Variants in DIAPH2 observed in about 807,000 individuals in gnomAD.
DIAPH2 encodes diaphanous related formin 2, also known as protein diaphanous homolog 2.
DIAPH2 carries 35 observed loss-of-function variants against 92.7 expected under a neutral mutation model. The ratio of observed to expected loss-of-function variants is 0.38; its 90% CI spans 0.29 to 0.50. The LOEUF is 0.50. Among genes scored for constraint, DIAPH2 ranks in the 20% least tolerant of loss-of-function variants. DIAPH2 has a pLI of 0.94. For missense variants in DIAPH2, 701 were observed against 819.5 expected, an observed-to-expected ratio of 0.86 and a Z score of 1.77; for synonymous variants, 301 against 280.4, an observed-to-expected ratio of 1.07 and a Z score of -0.73.
intron 25 of DIAPH2, among the ~76,000 whole-genome samples, chrX:97,396,642 AT>A (rs1400557571): frequency 8.9e-6 from 1 of 111,950 alleles, no homozygotes; most frequent in African/African-American, 3.2e-5. Context: ...TCTAAAAAAA[AT>A]AAATAAATAA....
chrX:97,052,144 A>C (rs2066524613), intron 17 of DIAPH2, among the ~76,000 whole-genome samples: 1 of 111,443 alleles, frequency 9.0e-6, no homozygotes, highest in Non-Finnish European at 1.9e-5. Flanking sequence ...ATAGAGATGA[A>C]GTGATACTGA....
rs184380776 is a variant in DIAPH2 at position 97,132,987 on chromosome X, A to C, written c.2590-8678A>C. On this transcript the variant is annotated intron_variant, in intron 21 of 26. Transcript: ENST00000324765. ...TCATGTGGCCATTCATGTAAATCCA[A>C]AAGGAAAGGGGGGAGATCCAAAAGG... Among the ~76,000 whole-genome samples the C allele has an allele frequency of 9.0e-3, 955 of 106,546 alleles. 10 individuals are homozygous for C. Among genetic ancestry groups the C allele is most frequent in the African/African-American group, 0.034 (902 of 26,238 alleles). 92.5% of individuals were successfully genotyped at this position (106,546 alleles called of 115,157 possible).
At chrX:97,279,828 G>C (rs771929636) in intron 23 of DIAPH2, among the ~76,000 whole-genome samples, 72 of 111,205 alleles carry the variant, frequency 6.5e-4, no homozygotes, top group Non-Finnish European at 1.2e-3. Flanking sequence ...TTCAGTTTCC[G>C]GGCAGGCTGC....
At chrX:96,905,010 C>G (rs1402963281) in intron 5 of DIAPH2, among the ~76,000 whole-genome samples, 2 of 111,067 alleles carry the variant, frequency 1.8e-5, no homozygotes, top group Non-Finnish European at 3.8e-5. Flanking sequence ...GAATAGAACA[C>G]CATTAGAGGG....
In DIAPH2 at chrX:97,362,151, GA is replaced by G. The variant is rs770779883; in HGVS notation, c.3009+13873del. ...AGCTACTTCAGAGGCTGAGGCAGGA[GA>G]ATCTCTTGAACCCAGGAGGCGGAGG... is the stretch of plus-strand genomic sequence containing the variant. On this transcript the variant is annotated intron_variant, in intron 24 of 26. Transcript: ENST00000324765. Among the ~76,000 whole-genome samples, 13 of 109,913 alleles carry G rather than the reference GA, an allele frequency of 1.2e-4. No homozygotes were observed. In the East Asian group the frequency reaches 2.0e-3, roughly 17 times the overall value.
intron 25 of DIAPH2, among the ~76,000 whole-genome samples, chrX:97,401,736 T>C (rs1487432624): frequency 2.7e-5 from 3 of 111,844 alleles, no homozygotes; most frequent in African/African-American, 9.8e-5. Flanking sequence ...GTGATTCTGA[T>C]GTACACTAAA....
In DIAPH2 at chrX:97,558,556, A is replaced by C. The variant is rs770771127; in HGVS notation, c.3242-40697A>C. ...CTCATACAAAGGAGTTAGAACTTTT[A>C]TATGATGTACGATCCACTGATTTAA... On this transcript the variant is annotated intron_variant, in intron 26 of 26. Coordinates refer to ENST00000324765, the MANE Select transcript of DIAPH2 (RefSeq NM_006729.5). Among the ~76,000 whole-genome samples the C allele has an allele frequency of 2.7e-4, 30 of 111,737 alleles. No homozygotes were observed. In the Admixed American group the frequency reaches 2.8e-3, roughly 10 times the overall value.
intron 4 of DIAPH2, among the ~76,000 whole-genome samples, chrX:96,773,237 T>TCCCCCCC (rs769269560): frequency 3.7e-5 from 3 of 82,157 alleles, no homozygotes; most frequent in African/African-American, 1.4e-4. Flanking sequence ...CTGAATTGTT[T>TCCCCCCC]CCCCCCCCCT....
At chrX:96,707,543 G>T (rs1215407640) in intron 1 of DIAPH2, among the ~76,000 whole-genome samples, 1 of 109,357 alleles carries the variant, frequency 9.1e-6, no homozygotes, top group Non-Finnish European at 1.9e-5. Context: ...AGCTACTCTG[G>T]AGGTTGAGGC....
intron 4 of DIAPH2, among the ~76,000 whole-genome samples, chrX:96,758,831 C>A (rs1299807960): frequency 2.7e-5 from 3 of 111,323 alleles, no homozygotes; most frequent in African/African-American, 9.8e-5. Flanking sequence ...AGTCCCAAGA[C>A]TTGAAAGTAA....
At chrX:97,391,764 C>T (rs2069662234) in intron 25 of DIAPH2, among the ~76,000 whole-genome samples, 1 of 109,989 alleles carries the variant, frequency 9.1e-6, no homozygotes, top group Non-Finnish European at 1.9e-5. Flanking sequence ...ATACATTCAT[C>T]AAGGAGAAAT....
chrX:97,157,339 TA>T (rs1226683130), intron 22 of DIAPH2, among the ~76,000 whole-genome samples: 2 of 47,148 alleles, frequency 4.2e-5, no homozygotes, highest in African/African-American at 8.1e-5. Flanking sequence ...AATAATATAA[TA>T]ATAATAATAA....
intron 17 of DIAPH2, among the ~76,000 whole-genome samples, chrX:96,996,289 CTAGT>C (rs1186461610): frequency 1.8e-5 from 2 of 111,802 alleles, no homozygotes; most frequent in Admixed American, 9.5e-5. Flanking sequence ...TATGATTGAC[CTAGT>C]TAATTTTAAT....
chrX:97,301,593 G>A (rs2068706242), intron 23 of DIAPH2, among the ~76,000 whole-genome samples: 1 of 111,597 alleles, frequency 9.0e-6, no homozygotes, highest in South Asian at 3.8e-4. Flanking sequence ...TTTTTGTTGA[G>A]ATGTTTTTAA....
intron 4 of DIAPH2, among the ~76,000 whole-genome samples, chrX:96,877,677 A>T (rs1035841750): frequency 1.8e-5 from 2 of 112,143 alleles, no homozygotes; most frequent in Non-Finnish European, 3.8e-5. Flanking sequence ...GATTATCTCC[A>T]CTGCAAACTA....
intron 22 of DIAPH2, among the ~76,000 whole-genome samples, chrX:97,236,545 AT>A (rs200824073): frequency 7.5e-3 from 653 of 87,439 alleles, no homozygotes; most frequent in Middle Eastern, 0.012. Flanking sequence ...TTTCATTTTC[AT>A]TTTTTTTTTT....
chrX:96,894,974 A>ATTTTTTTTTTTTTTTTTTTTT (rs766131166), intron 5 of DIAPH2, among the ~76,000 whole-genome samples: 1 of 59,531 alleles, frequency 1.7e-5, no homozygotes, highest in African/African-American at 6.1e-5. Context: ...GTTTTTCTTA[A>ATTTTTTTTTTTTTTTTTTTTT]TTTTTTTTTT....
chrX:97,097,375 A>C (rs1294644425), intron 19 of DIAPH2, among the ~76,000 whole-genome samples: 1 of 111,881 alleles, frequency 8.9e-6, no homozygotes, highest in Non-Finnish European at 1.9e-5. Flanking sequence ...AAACAGTGGC[A>C]GTTACATAAG....
chrX:97,274,969 A>G (rs1285718527), intron 23 of DIAPH2, among the ~76,000 whole-genome samples: 2 of 111,871 alleles, frequency 1.8e-5, no homozygotes, highest in South Asian at 3.7e-4. Context: ...GTAAGGTCAT[A>G]GATCAACAGC....
Sources: gnomAD v4.1 joint callset for allele counts (sites outside exome capture counted in the v4.1 genomes callset) on GRCh38, gnomAD v4.1.1 for gene constraint, MANE v1.5 for transcripts, NCBI Gene and HGNC (gene_info 2026-07-23, HGNC 2026-07-21) for gene names.